Variants in TRPM3 observed in about 807,000 individuals in gnomAD.
TRPM3 encodes the protein long transient receptor potential channel 3.
A neutral mutation model predicts 181.2 loss-of-function variants in TRPM3; 77 were observed. The ratio of observed to expected loss-of-function variants is 0.42; its 90% confidence interval spans 0.35 to 0.51. The LOEUF is 0.51. TRPM3 is among the 20% of genes least tolerant of loss of function. The pLI, the probability that TRPM3 is intolerant of heterozygous loss-of-function variation, is 0.01. For synonymous variants in TRPM3, 745 were observed against 796.4 expected, an observed-to-expected ratio of 0.94 and a Z score of 1.09; for missense variants, 1,759 against 2,196.7, an observed-to-expected ratio of 0.80 and a Z score of 3.98.
chr9:71,227,691 A>G (rs979772471), intron 1 of TRPM3, among the ~76,000 whole-genome samples: 3 of 152,174 alleles, frequency 2.0e-5, no homozygotes, highest in African/African-American at 7.2e-5. Context: ...AAGGATCATT[A>G]GAGACTACTA....
At chr9:70,649,869 A>T (rs779045327) in intron 9 of TRPM3, among the ~76,000 whole-genome samples, 1 of 152,214 alleles carries the variant, frequency 6.6e-6, no homozygotes, top group Non-Finnish European at 1.5e-5. Context: ...ATGAATTTTT[A>T]TCACAGCACT....
chr9:70,597,046 G>A (rs759966108), intron 21 of TRPM3, among the ~76,000 whole-genome samples: 9 of 152,096 alleles, frequency 5.9e-5, no homozygotes, highest in Admixed American at 5.9e-4. Flanking sequence ...TGATTCTCCT[G>A]CCTCAGCCTC....
intron 1 of TRPM3, among the ~76,000 whole-genome samples, chr9:70,876,461 G>C (rs1372069496): frequency 6.6e-6 from 1 of 151,204 alleles, no homozygotes; most frequent in African/African-American, 2.4e-5. Context: ...AAATATGTAT[G>C]ATTAGTCGAT....
intron 1 of TRPM3, among the ~76,000 whole-genome samples, chr9:70,999,121 A>C (rs2097573764): frequency 6.6e-6 from 1 of 152,160 alleles, no homozygotes; most frequent in South Asian, 2.1e-4. Context: ...CATAGAAGAG[A>C]GCACACTGGG....
At chr9:71,140,054 A>G (rs1050750992) in intron 1 of TRPM3, among the ~76,000 whole-genome samples, 2 of 152,186 alleles carry the variant, frequency 1.3e-5, no homozygotes, top group African/African-American at 2.4e-5. Context: ...TATAGCAATC[A>G]TCTTGAAACC....
At position 70,575,096 on chromosome 9, in the gene TRPM3, C is replaced by A. The variant is rs568433041; in HGVS notation, c.3223+15935G>T. Among the ~76,000 whole-genome samples, 217 of 144,602 alleles carry A rather than the reference C, an allele frequency of 1.5e-3. 1 individual carries two copies. The highest frequency in any genetic ancestry group is 1.3e-3 in the Non-Finnish European group (88 of 66,142). 94.9% of individuals were successfully genotyped at this position (144,602 alleles called of 152,430 possible). A position where few individuals can be genotyped will look rare whatever the true frequency, so the allele number is the denominator to read the frequency against. On this transcript the variant is annotated intron_variant, in intron 22 of 25. Coordinates refer to ENST00000677713, the MANE Select transcript of TRPM3 (RefSeq NM_001366145.2). ...AGCTGGGACCACAGGTGTGTGCCACCACATCCCGCATAATTTTTTTTTTTT... is the reference window on the plus strand; with the variant it reads ...AGCTGGGACCACAGGTGTGTGCCACAACATCCCGCATAATTTTTTTTTTTT...
intron 1 of TRPM3, among the ~76,000 whole-genome samples, chr9:71,266,705 G>T (rs1199083302): frequency 6.6e-6 from 1 of 152,148 alleles, no homozygotes; most frequent in Non-Finnish European, 1.5e-5. Context: ...GTGTACAGCA[G>T]ATCTCTAGAG....
At chr9:70,981,002 C>A (rs2097358438) in intron 1 of TRPM3, among the ~76,000 whole-genome samples, 1 of 152,204 alleles carries the variant, frequency 6.6e-6, no homozygotes, top group South Asian at 2.1e-4. Context: ...TACACACTCA[C>A]ACAAACATAC....
chr9:71,410,698 A>G (rs1191976746), intron 1 of TRPM3, among the ~76,000 whole-genome samples: 5 of 152,200 alleles, frequency 3.3e-5, no homozygotes, highest in Non-Finnish European at 7.3e-5. Flanking sequence ...AGCTGCTACC[A>G]TTCCTTCTGA....
chr9:71,172,585 T>G (rs2076921530), intron 1 of TRPM3, among the ~76,000 whole-genome samples: 1 of 152,050 alleles, frequency 6.6e-6, no homozygotes, highest in African/African-American at 2.4e-5. Context: ...TTTTTATTTT[T>G]TGTAGAAACA....
chr9:70,923,869 T>C (rs540332995), intron 1 of TRPM3, among the ~76,000 whole-genome samples: 246 of 145,450 alleles, frequency 1.7e-3, no homozygotes, highest in African/African-American at 4.1e-3. Context: ...TATATATATA[T>C]ACATATATAT....
chr9:70,568,133 G>T (rs996438943), intron 22 of TRPM3, among the ~76,000 whole-genome samples: 1 of 152,204 alleles, frequency 6.6e-6, no homozygotes, highest in East Asian at 1.9e-4. Flanking sequence ...TCTACTTAAG[G>T]TGTCTAGTGG....
intron 12 of TRPM3, among the ~76,000 whole-genome samples, chr9:70,630,955 G>C (rs1365687420): frequency 6.6e-6 from 1 of 152,160 alleles, no homozygotes; most frequent in Non-Finnish European, 1.5e-5. Flanking sequence ...TCAGATGTCA[G>C]CTCACCATAT....
At chr9:71,181,188 G>A (rs538700321) in intron 1 of TRPM3, among the ~76,000 whole-genome samples, 11 of 152,060 alleles carry the variant, frequency 7.2e-5, no homozygotes, top group South Asian at 6.2e-4. Flanking sequence ...ACACTCACTC[G>A]CCATTTGAAC....
chr9:70,578,565 A>G (rs1237763376), intron 22 of TRPM3, among the ~76,000 whole-genome samples: 1 of 152,198 alleles, frequency 6.6e-6, no homozygotes, highest in African/African-American at 2.4e-5. Flanking sequence ...TAAGTGCCCG[A>G]TGTCCTAACT....
chr9:70,684,601 A>T lies in TRPM3; in HGVS notation c.1273-3023T>A, dbSNP rs2066294259. ...TTTTTCATATCTGCTTCAGAAAAAA[A>T]AAGTCAAAGAAAAACTAAGGCCTTC... is the stretch of plus-strand genomic sequence containing the variant. On this transcript the variant is annotated intron_variant, in intron 8 of 25. Coordinates refer to ENST00000677713, the MANE Select transcript of TRPM3 (RefSeq NM_001366145.2). Among the ~76,000 whole-genome samples, 9 of 152,310 alleles carry T rather than the reference A, an allele frequency of 5.9e-5. No homozygotes were observed. The South Asian group carries it at 1.9e-3, about 32-fold the overall frequency.
In TRPM3 at chr9:70,767,272, A is replaced by G. The variant is rs551326451; in HGVS notation, c.1149-5548T>C. 2.6e-5 allele frequency among the ~76,000 whole-genome samples: 4 copies of G among 152,284 alleles called. No individual in the cohort carries two copies. In the South Asian group the frequency reaches 8.3e-4, roughly 32 times the overall value. On this transcript the variant is annotated intron_variant, in intron 7 of 25. Coordinates refer to ENST00000677713, the MANE Select transcript of TRPM3 (RefSeq NM_001366145.2). ...AATGGAGATACTTAGCAGCTTTAGG[A>G]GGCTTAATTATAGTAGAGTCTTGCA...
intron 1 of TRPM3, among the ~76,000 whole-genome samples, chr9:71,311,636 A>G (rs1212692691): frequency 1.3e-5 from 2 of 152,108 alleles, no homozygotes; most frequent in African/African-American, 2.4e-5. Flanking sequence ...ATAGATCTCA[A>G]TGTAAGGGGT....
At chr9:71,275,489 CGT>C (rs889060838) in intron 1 of TRPM3, among the ~76,000 whole-genome samples, 114 of 151,624 alleles carry the variant, frequency 7.5e-4, no homozygotes, top group African/African-American at 2.7e-3. Context: ...ATTCCAACCC[CGT>C]GTGTGTGTGT....
Sources: allele counts gnomAD v4.1 joint callset (sites outside exome capture counted in the v4.1 genomes callset), GRCh38; gene constraint gnomAD v4.1.1; transcripts MANE v1.5; gene names NCBI Gene and HGNC (gene_info 2026-07-23, HGNC 2026-07-21).